UBR4: variants seen among roughly 807,000 people sequenced by gnomAD.
UBR4 encodes E3 ubiquitin-protein ligase UBR4.
In UBR4, 124 loss-of-function variants were observed where a neutral mutation model predicts 575.6. The ratio of observed to expected loss-of-function variants is 0.22; its 90% CI spans 0.19 to 0.25. UBR4 has a LOEUF of 0.25. Among genes scored for constraint, UBR4 ranks in the 10% least tolerant of loss-of-function variants. The pLI, the probability that UBR4 is intolerant of heterozygous loss-of-function variation, is 1.00. For synonymous variants in UBR4, 2,455 were observed against 2,473.7 expected (o/e 0.99, Z 0.22); for missense variants, 4,818 against 6,478.8 (o/e 0.74, Z 8.80).
At chr1:19,108,877 A>G (rs1394128105) in intron 81 of UBR4, among the ~76,000 whole-genome samples, 2 of 152,220 alleles carry the variant, frequency 1.3e-5, no homozygotes, top group Admixed American at 1.3e-4. Context: ...ACCAGGCCTC[A>G]GTCCTTACAG....
rs2084924877 is a variant in UBR4 at position 19,146,735 on chromosome 1, C to T, written c.7804+91G>A. On this transcript the variant is annotated intron_variant, in intron 52 of 105. Transcript: ENST00000375254. ...AAATCCCTGTCTCTGAGCATGCAGTCAGTCAGAGGCCAGTAAGAACAGTAA... is the reference window on the plus strand; with the variant it reads ...AAATCCCTGTCTCTGAGCATGCAGTTAGTCAGAGGCCAGTAAGAACAGTAA... 2.0e-6 allele frequency: 3 copies of T among 1,474,430 alleles called. No individual in the cohort carries two copies. The African/African-American group carries it at 4.2e-5, about 21-fold the overall frequency. The allele number at this position is 1,474,430 out of a possible 1,614,324, so 91.3% of individuals were successfully genotyped here.
chr1:19,180,266 G>A (rs1471022848), intron 17 of UBR4, among the ~76,000 whole-genome samples: 5 of 151,976 alleles, frequency 3.3e-5, no homozygotes, highest in Non-Finnish European at 7.4e-5. Flanking sequence ...TCAGCTCACT[G>A]CAACCTCCAC....
At chr1:19,115,031 C>A (rs2080330969) in intron 74 of UBR4, 82 bp from the exon 75 acceptor site, 1 of 1,569,076 alleles carries the variant, frequency 6.4e-7, no homozygotes. Flanking sequence ...GATTGTGCCA[C>A]ATTTATATAC....
At chr1:19,205,744 T>C (rs1478317934) in intron 1 of UBR4, among the ~76,000 whole-genome samples, 2 of 152,158 alleles carry the variant, frequency 1.3e-5, no homozygotes, top group Non-Finnish European at 2.9e-5. Flanking sequence ...TTGAAGACTT[T>C]TAGGAAATGA....
rs2090414330 is a variant in UBR4, at chr1:19,177,624, C to T, written c.2474G>A (p.Gly825Asp). ...AAAAAGCGACAATATGGCCCGCCGGCCTGTCTCGGTGAAATTGTGGAAAAT... is the reference window on the plus strand; with the variant it reads ...AAAAAGCGACAATATGGCCCGCCGGTCTGTCTCGGTGAAATTGTGGAAAAT... ...LLIFHNFTET[G>D]RRAILSLFVQ... The change falls in exon 19 of 106, where the codon GGC becomes GAC. Residue 825 changes from glycine to aspartate, a missense_variant. Gly to Asp is a moderately conservative substitution (Grantham distance 94). Transcript: ENST00000375254. 1 of 1,613,864 alleles carries T rather than the reference C, an allele frequency of 6.2e-7. No individual in the cohort carries two copies. The highest frequency in any genetic ancestry group is 8.5e-7 in the Non-Finnish European group (1 of 1,180,012).
Position 19,164,840 on chromosome 1 carries a change from C to A in UBR4, c.4470G>T (p.Gln1490His). Residue 1490 changes from glutamine to histidine, a missense_variant, in exon 32 of 106, where the codon CAG (glutamine) becomes CAT (histidine). Coordinates refer to ENST00000375254, the MANE Select transcript of UBR4 (RefSeq NM_020765.3). ...DQLDVIQENR[Q>H]LLQLLTTYIV... ...TGTATGTGGTCAGTAACTGCAGCAGCTGCCGGTTCTCCTGAATTACATCCA... is the reference window on the plus strand; with the variant it reads ...TGTATGTGGTCAGTAACTGCAGCAGATGCCGGTTCTCCTGAATTACATCCA... 6.2e-7 allele frequency: 1 copy of A among 1,614,220 alleles called. No individual in the cohort carries two copies. Among genetic ancestry groups the A allele is most frequent in the Non-Finnish European group, 8.5e-7 (1 of 1,180,038 alleles).
Position 19,093,772 on chromosome 1 carries a change from T to C in UBR4, c.13937+177A>G, listed in dbSNP as rs895958161. On this transcript the variant is annotated intron_variant, in intron 95 of 105. Coordinates refer to ENST00000375254, the MANE Select transcript of UBR4 (RefSeq NM_020765.3). The surrounding 1 kb of genome is among the most constrained non-coding windows in gnomAD (Gnocchi z 4.8). The stretch of plus-strand genomic sequence containing the variant: ...TTGCCTTCTCTGACTAGCCAATTGC[T>C]ACTCTAATACAGTATATTTTAACTA... Among the ~76,000 whole-genome samples the C allele has an allele frequency of 2.0e-5, 3 of 152,214 alleles. No homozygotes were observed. The highest frequency in any genetic ancestry group is 4.8e-5 in the African/African-American group (2 of 41,460).
chr1:19,160,433 T>C, intron 38 of UBR4, 152 bp from the exon 39 acceptor site: 2 of 800,648 alleles, frequency 2.5e-6, no homozygotes, highest in Non-Finnish European at 3.8e-6. Context: ...ATTCTCATAA[T>C]CCTGGCATTG....
At chr1:19,198,722 CA>C in intron 4 of UBR4, 42 bp from the exon 5 acceptor site, 1 of 1,612,620 alleles carries the variant, frequency 6.2e-7, no homozygotes, top group Non-Finnish European at 8.5e-7. Context: ...AGGAAAGTGC[CA>C]CTAGAAGGCA....
At chr1:19,082,745 G>A (rs187462634) in intron 102 of UBR4, among the ~76,000 whole-genome samples, 1 of 152,354 alleles carries the variant, frequency 6.6e-6, no homozygotes, top group East Asian at 1.9e-4. Context: ...TCTGCTGCCT[G>A]CAGATGGGCA....
At chr1:19,091,203 C>T (rs1188165905) in intron 97 of UBR4, among the ~76,000 whole-genome samples, 1 of 151,860 alleles carries the variant, frequency 6.6e-6, no homozygotes, top group Non-Finnish European at 1.5e-5. Context: ...TATCCATATA[C>T]AAAAGAGAGA....
chr1:19,086,276 T>A lies in UBR4; in HGVS notation c.14688-6A>T. 1 of 1,446,482 alleles carries A rather than the reference T, an allele frequency of 6.9e-7. No homozygotes were observed. The highest frequency in any genetic ancestry group is 9.2e-7 in the Non-Finnish European group (1 of 1,087,478). 89.6% of individuals were successfully genotyped at this position (1,446,482 alleles called of 1,614,324 possible). ...CTTCCCGGCCTCGAGCCAACCTGGA[T>A]AGGGAGGAGAGCAGGGACAAGCGAC... On this transcript the variant is annotated splice_polypyrimidine_tract_variant and splice_region_variant and intron_variant, in intron 100 of 105. Coordinates refer to ENST00000375254, the MANE Select transcript of UBR4 (RefSeq NM_020765.3).
rs1179815938 is a variant in UBR4 at position 19,164,892 on chromosome 1, G to A, written c.4418C>T (p.Thr1473Ile). 1.9e-6 allele frequency: 3 copies of A among 1,614,206 alleles called. No homozygotes were observed. The highest frequency in any genetic ancestry group is 1.1e-5 in the South Asian group (1 of 91,086). Residue 1473 changes from threonine (T) to isoleucine (I), a missense_variant, in exon 32 of 106, where the codon ACA (threonine) becomes ATA (isoleucine). Thr to Ile is a moderately conservative substitution (Grantham distance 89, BLOSUM62 -1). Around this residue, in one of 29 missense-constraint regions of UBR4, gnomAD observed 1,172 missense variants for 1,259.7 expected, o/e 0.93. Transcript: ENST00000375254. The stretch of plus-strand genomic sequence containing the variant: ...CTGATCAGAATCTTTTGGGGGCGAT[G>A]TAGTCATGCGGGTGAGCCAGGCCTG... ...RLQAWLTRMT[T>I]SPPKDSDQLD...
In UBR4 at chr1:19,095,633, C is replaced by T; in HGVS notation, c.13538G>A (p.Ser4513Asn). The T allele has an allele frequency of 6.2e-7, 1 of 1,613,962 alleles. No individual in the cohort carries two copies. Among genetic ancestry groups the T allele is most frequent in the East Asian group, 2.2e-5 (1 of 44,894 alleles). ...HLLTVLLKLF[S>N]YCVKVKVNRQ... ...GTTGACTTTCACCTTCACGCAGTAA[C>T]TGAACAATTTCAGTAGCACCTGACA... is the stretch of plus-strand genomic sequence containing the variant. The change falls in exon 93 of 106, where the codon AGT becomes AAT. Residue 4513 changes from serine (S) to asparagine (N), a missense_variant. By Grantham distance (46) the Ser-to-Asn change is conservative. Coordinates refer to ENST00000375254, the MANE Select transcript of UBR4 (RefSeq NM_020765.3).
At position 19,173,583 on chromosome 1, in the gene UBR4, C is replaced by A; in HGVS notation, c.3021G>T (p.Trp1007Cys). 1 of 1,614,058 alleles carries A rather than the reference C, an allele frequency of 6.2e-7. No individual in the cohort carries two copies. The highest frequency in any genetic ancestry group is 8.5e-7 in the Non-Finnish European group (1 of 1,180,024). Reference sequence around the variant, plus strand: ...ATGGTGGTAAAATTCCTAGGATCCTCCACAGTATCAAGAAGTAATATTGAA... The same window carrying A: ...ATGGTGGTAAAATTCCTAGGATCCTACACAGTATCAAGAAGTAATATTGAA... The part of the protein sequence containing the change: ...CALQYYFLIL[W>C]RILGILPPSK... Residue 1007 changes from tryptophan (W) to cysteine (C), a missense_variant, in exon 23 of 106, where the codon TGG becomes TGT. Transcript: ENST00000375254.
rs748566392 is a variant in UBR4 at position 19,074,808 on chromosome 1, G to A, written c.*24C>T. On this transcript the variant is annotated 3_prime_UTR_variant, in exon 106 of 106. Transcript: ENST00000375254. ...TGGAAGGCAAGCCAGCTTCGTCTTCGCCGCCGCAGCTGCTGTGTGGTGGTC... is the reference window on the plus strand; with the variant it reads ...TGGAAGGCAAGCCAGCTTCGTCTTCACCGCCGCAGCTGCTGTGTGGTGGTC... 18 of 1,613,284 alleles carry A rather than the reference G, an allele frequency of 1.1e-5. No individual in the cohort carries two copies. The highest frequency in any genetic ancestry group is 9.9e-5 in the South Asian group (9 of 90,826).
chr1:19,201,740 A>G lies in UBR4; in HGVS notation c.252T>C (p.Tyr84=), dbSNP rs773602015. The G allele has an allele frequency of 1.2e-6, 2 of 1,614,076 alleles. No individual in the cohort carries two copies. Among genetic ancestry groups the G allele is most frequent in the Non-Finnish European group, 1.7e-6 (2 of 1,179,932 alleles). The change falls in exon 2 of 106, where the codon TAT becomes TAC. Residue 84 remains tyrosine, a synonymous_variant. Transcript: ENST00000375254. ...TACTGAGACTGCAAACTGTTGTAATATAGTGTGTGGAAAGTGCAACAAAAG... is the reference window on the plus strand; with the variant it reads ...TACTGAGACTGCAAACTGTTGTAATGTAGTGTGTGGAAAGTGCAACAAAAG... The part of the protein sequence containing the change: ...YSSFVALSTH[Y]ITTVCSLIPR...
intron 11 of UBR4, among the ~76,000 whole-genome samples, chr1:19,187,840 G>A (rs2091692156): frequency 6.6e-6 from 1 of 151,918 alleles, no homozygotes; most frequent in Non-Finnish European, 1.5e-5. Flanking sequence ...GAGATGAGAG[G>A]ATCACTTATG....
In UBR4 at chr1:19,164,291, A is replaced by T; in HGVS notation, c.4662T>A (p.Leu1554=). The change falls in exon 33 of 106, where the codon CTT becomes CTA. Residue 1554 remains leucine (L), a synonymous_variant. Coordinates refer to ENST00000375254, the MANE Select transcript of UBR4 (RefSeq NM_020765.3). ...AATCCACAGCAGCATTATGAAGCTGAAGGTGACCAGCACCTTGACCTGCAC... is the reference window on the plus strand; with the variant it reads ...AATCCACAGCAGCATTATGAAGCTGTAGGTGACCAGCACCTTGACCTGCAC... The part of the protein sequence containing the change: ...LASAGQGAGH[L]QLHNAAVDWL... The T allele has an allele frequency of 1.9e-6, 3 of 1,614,176 alleles. No individual in the cohort carries two copies. Among genetic ancestry groups the T allele is most frequent in the South Asian group, 2.2e-5 (2 of 91,074 alleles).
Sources: allele counts gnomAD v4.1 joint callset (sites outside exome capture counted in the v4.1 genomes callset), GRCh38; gene constraint gnomAD v4.1.1; regional missense constraint gnomAD v4.1.1; non-coding constraint Gnocchi (gnomAD v3.1); transcripts MANE v1.5; gene names NCBI Gene and HGNC (gene_info 2026-07-23, HGNC 2026-07-21).